Variants in FSTL4 observed in about 807,000 individuals in gnomAD.
The protein encoded by FSTL4 is follistatin-related protein 4.
FSTL4 carries 28 observed loss-of-function variants against 78.2 expected under a neutral mutation model. The observed-to-expected ratio is 0.36, with a 90% confidence interval of 0.27 to 0.49. The LOEUF (loss-of-function observed/expected upper bound fraction) is 0.49. FSTL4 is among the 20% of genes least tolerant of loss of function. The pLI, the probability that FSTL4 is intolerant of heterozygous loss-of-function variation, is 0.98. For missense variants in FSTL4, 922 were observed against 1,084.9 expected (o/e 0.85, Z 2.11); for synonymous variants, 422 against 440.5 (o/e 0.96, Z 0.53).
intron 3 of FSTL4, among the ~76,000 whole-genome samples, chr5:133,482,996 T>G (rs1758060802): frequency 6.6e-6 from 1 of 152,210 alleles, no homozygotes; most frequent in South Asian, 2.1e-4. Flanking sequence ...AAATCTCATC[T>G]TGAATTGTAG....
At chr5:133,226,322 C>T (rs1190108657) in intron 8 of FSTL4, among the ~76,000 whole-genome samples, 1 of 152,180 alleles carries the variant, frequency 6.6e-6, no homozygotes, top group Non-Finnish European at 1.5e-5. Context: ...CTTCTCAACC[C>T]CTGGAACATG....
At chr5:133,398,050 C>T (rs758237129) in intron 4 of FSTL4, among the ~76,000 whole-genome samples, 1 of 152,124 alleles carries the variant, frequency 6.6e-6, no homozygotes, top group Non-Finnish European at 1.5e-5. Flanking sequence ...TTCCAGGACC[C>T]TCTGTCCCCA....
At chr5:133,488,748 G>T (rs1758192364) in intron 3 of FSTL4, among the ~76,000 whole-genome samples, 1 of 152,172 alleles carries the variant, frequency 6.6e-6, no homozygotes, top group Non-Finnish European at 1.5e-5. Context: ...AGCTTCTGTG[G>T]GATGGGAGTG....
At chr5:133,583,022 G>C (rs1471862632) in intron 2 of FSTL4, among the ~76,000 whole-genome samples, 1 of 152,162 alleles carries the variant, frequency 6.6e-6, no homozygotes, top group Non-Finnish European at 1.5e-5. Context: ...GCCTGGGGGT[G>C]CCTGACACTT....
intron 4 of FSTL4, among the ~76,000 whole-genome samples, chr5:133,383,298 T>G (rs1417582452): frequency 6.6e-6 from 1 of 152,176 alleles, no homozygotes; most frequent in Non-Finnish European, 1.5e-5. Flanking sequence ...GAGGTTCGCC[T>G]TCTCCTGCCA....
chr5:133,613,862 G>T (rs1761155749), upstream of FSTL4, among the ~76,000 whole-genome samples: 1 of 152,222 alleles, frequency 6.6e-6, no homozygotes, highest in Admixed American at 6.5e-5. Flanking sequence ...CATCCTCAGT[G>T]ACCCTGGGCC....
At chr5:133,218,118 ACTT>A (rs921452965) in intron 12 of FSTL4, among the ~76,000 whole-genome samples, 2 of 152,178 alleles carry the variant, frequency 1.3e-5, no homozygotes, top group Non-Finnish European at 2.9e-5. Context: ...TCTTGATTTT[ACTT>A]CTTAATCCTG....
At chr5:133,616,671 G>A (rs1356550595), upstream of FSTL4, among the ~76,000 whole-genome samples, 1 of 152,100 alleles carries the variant, frequency 6.6e-6, no homozygotes, top group Non-Finnish European at 1.5e-5. Flanking sequence ...CCAAAGAGCT[G>A]GGATTACAGG....
At chr5:133,722,082 C>A in the FSTL4 span, among the ~76,000 whole-genome samples, 1 of 151,996 alleles carries the variant, frequency 6.6e-6, no homozygotes, top group South Asian at 2.1e-4. Flanking sequence ...CAGGGATCCC[C>A]AACCCCTGGG....
At chr5:133,327,142 C>T (rs1754233074) in intron 4 of FSTL4, among the ~76,000 whole-genome samples, 1 of 152,210 alleles carries the variant, frequency 6.6e-6, no homozygotes, top group South Asian at 2.1e-4. Context: ...CACATAACAC[C>T]AGGGCCTCAG....
At chr5:133,778,159 C>T in the FSTL4 span, among the ~76,000 whole-genome samples, 1 of 152,148 alleles carries the variant, frequency 6.6e-6, no homozygotes, top group African/African-American at 2.4e-5. Flanking sequence ...TCCACATCTG[C>T]CCCCCAGATG....
In FSTL4 at chr5:133,199,575, G is replaced by A. The variant is rs370607272; in HGVS notation, c.2049C>T (p.Gly683=). 2 of 1,613,984 alleles carry A rather than the reference G, an allele frequency of 1.2e-6. No individual in the cohort carries two copies. Among genetic ancestry groups the A allele is most frequent in the African/African-American group, 1.3e-5 (1 of 74,920 alleles). The change falls in exon 16 of 16, where the codon GGC becomes GGT. Residue 683 remains glycine (G), a synonymous_variant. Transcript: ENST00000265342. The surrounding 1 kb of genome is among the most constrained non-coding windows in gnomAD (Gnocchi z 4.4). ...GGGTGCCTGTTACATCACCATTGGG[G>A]CCAAGCACAGAGTCTGTGACACTGT... is the stretch of plus-strand genomic sequence containing the variant. ...LVDSVTDSVL[G]PNGDVTGTPH...
the FSTL4 span, among the ~76,000 whole-genome samples, chr5:133,636,337 G>A: frequency 6.6e-6 from 1 of 152,172 alleles, no homozygotes; most frequent in South Asian, 2.1e-4. Flanking sequence ...AGGGCTGTGG[G>A]AATTCCAAAG....
chr5:133,594,988 C>A (rs539051478), intron 2 of FSTL4, among the ~76,000 whole-genome samples: 2 of 152,214 alleles, frequency 1.3e-5, no homozygotes, highest in African/African-American at 2.4e-5. Context: ...CAACCACCTA[C>A]CCCGGAGCCA....
intron 3 of FSTL4, among the ~76,000 whole-genome samples, chr5:133,417,997 A>ACTT (rs1057025689): frequency 4.1e-5 from 6 of 148,144 alleles, no homozygotes; most frequent in Admixed American, 3.4e-4. Context: ...AAGAGGTTTC[A>ACTT]CTTATGATCA....
At chr5:133,213,117 T>G (rs1750793489) in intron 13 of FSTL4, among the ~76,000 whole-genome samples, 1 of 151,710 alleles carries the variant, frequency 6.6e-6, no homozygotes, top group East Asian at 1.9e-4. Context: ...ATTCTCCTGT[T>G]TCAGCCTCCC....
chr5:133,340,850 G>A (rs1754563750), intron 4 of FSTL4, among the ~76,000 whole-genome samples: 1 of 152,054 alleles, frequency 6.6e-6, no homozygotes, highest in East Asian at 1.9e-4. Context: ...ACATAAAAAG[G>A]AATAAAATAA....
the FSTL4 span, among the ~76,000 whole-genome samples, chr5:133,778,758 C>T: frequency 2.6e-5 from 4 of 152,308 alleles, no homozygotes; most frequent in Admixed American, 1.3e-4. Context: ...GCACTCGCAG[C>T]GCTGACTCTC....
chr5:133,249,537 C>A lies in FSTL4; in HGVS notation c.767G>T (p.Ser256Ile), dbSNP rs764201099. 6.2e-7 allele frequency: 1 copy of A among 1,613,246 alleles called. No individual in the cohort carries two copies. Among genetic ancestry groups the A allele is most frequent in the African/African-American group, 1.3e-5 (1 of 74,924 alleles). ...QLSLAPEDRV[S>I]VTTVTVGLST... ...CAGCCCCACGGTCACTGTGGTCACA[C>A]TGACCCTGTCCTCGGGGGCGAGGCT... The change falls in exon 7 of 16, where the codon AGT becomes ATT. Residue 256 changes from serine to isoleucine, a missense_variant. By Grantham distance (142) the Ser-to-Ile change is moderately radical. Transcript: ENST00000265342.
Sources: allele counts gnomAD v4.1 joint callset (sites outside exome capture counted in the v4.1 genomes callset), GRCh38; gene constraint gnomAD v4.1.1; non-coding constraint Gnocchi (gnomAD v3.1); transcripts MANE v1.5; gene names NCBI Gene and HGNC (gene_info 2026-07-23, HGNC 2026-07-21).